Variants in COL19A1 observed in about 807,000 individuals in gnomAD.
COL19A1 encodes the protein collagen type XIX alpha 1 chain, also known as collagen alpha-1(XIX) chain.
A neutral mutation model predicts 190.2 loss-of-function variants in COL19A1; 159 were observed. That is an observed-to-expected ratio of 0.84 (90% CI 0.73 to 0.95). The LOEUF is 0.95. COL19A1 is among the 40% of genes least tolerant of loss of function. The pLI, the probability that COL19A1 is intolerant of heterozygous loss-of-function variation, is 0.00. For missense variants in COL19A1, 1,418 were observed against 1,431.9 expected (o/e 0.99, Z 0.16); for synonymous variants, 509 against 458.9 (o/e 1.11, Z -1.39).
chr6:70,176,111 G>A (rs543483485), intron 41 of COL19A1, among the ~76,000 whole-genome samples: 30 of 152,218 alleles, frequency 2.0e-4, no homozygotes, highest in African/African-American at 7.2e-4. Context: ...TATATCCAAT[G>A]AGACAAGGAT....
intron 14 of COL19A1, among the ~76,000 whole-genome samples, chr6:70,053,076 G>C (rs558286911): frequency 8.9e-4 from 136 of 152,286 alleles, no homozygotes; most frequent in Admixed American, 1.4e-3. Flanking sequence ...AGAATGTATT[G>C]AAATGATATT....
chr6:70,183,122 G>T (rs1342759490), intron 44 of COL19A1, among the ~76,000 whole-genome samples: 1 of 152,050 alleles, frequency 6.6e-6, no homozygotes, highest in Non-Finnish European at 1.5e-5. Flanking sequence ...TAGAAAGGGA[G>T]TCAAATTGGG....
intron 11 of COL19A1, among the ~76,000 whole-genome samples, chr6:69,987,665 A>G (rs1776386037): frequency 6.6e-6 from 1 of 152,212 alleles, no homozygotes; most frequent in South Asian, 2.1e-4. Flanking sequence ...ACTGGCTTCT[A>G]GGACTTGAAT....
intron 48 of COL19A1, among the ~76,000 whole-genome samples, chr6:70,195,855 G>A (rs1335323390): frequency 1.3e-5 from 2 of 152,132 alleles, no homozygotes; most frequent in Non-Finnish European, 2.9e-5. Flanking sequence ...TCAACCGTCT[G>A]GTTCTTAACT....
At chr6:69,896,538 C>T (rs1478319695) in intron 2 of COL19A1, among the ~76,000 whole-genome samples, 16 of 74,276 alleles carry the variant, frequency 2.2e-4, no homozygotes, top group African/African-American at 1.1e-3. Flanking sequence ...AGCGAGACTC[C>T]GTCTCAAAAA....
intron 11 of COL19A1, among the ~76,000 whole-genome samples, chr6:70,010,665 G>C (rs375408169): frequency 7.3e-6 from 1 of 137,712 alleles, no homozygotes; most frequent in Non-Finnish European, 1.5e-5. Context: ...CTTAAGAAAC[G>C]GCGCACCACG....
At chr6:70,133,558 T>C (rs1430871135) in intron 18 of COL19A1, among the ~76,000 whole-genome samples, 3 of 152,200 alleles carry the variant, frequency 2.0e-5, no homozygotes, top group Admixed American at 6.5e-5. Flanking sequence ...TGCTGCTTTA[T>C]AGAGACAGTA....
chr6:70,039,453 C>T (rs1415201169), intron 14 of COL19A1, among the ~76,000 whole-genome samples: 1 of 152,128 alleles, frequency 6.6e-6, no homozygotes, highest in African/African-American at 2.4e-5. Flanking sequence ...GATGAACGTC[C>T]ATCTCCACAT....
Position 70,121,923 on chromosome 6 carries a change from A to G in COL19A1, c.1322A>G (p.Tyr441Cys), listed in dbSNP as rs1168204722. 6.3e-6 allele frequency: 10 copies of G among 1,590,064 alleles called. No homozygotes were observed. The highest frequency in any genetic ancestry group is 5.4e-5 in the African/African-American group (4 of 73,876). Residue 441 changes from tyrosine to cysteine, a missense_variant, in exon 17 of 51, where the codon TAT becomes TGT. Physicochemically the swap from Tyr to Cys is radical, Grantham distance 194 (BLOSUM62 -2). Coordinates refer to ENST00000620364, the MANE Select transcript of COL19A1 (RefSeq NM_001858.6). ...IQGIHQTLGGYYNKDNKGNDE... is the reference protein window; with the variant it reads ...IQGIHQTLGGCYNKDNKGNDE... ...GGAATACACCAAACTCTTGGTGGAT[A>G]TTATAACAAGGATAACAAGGTATGG...
At chr6:70,189,118 A>G (rs985698895) in intron 47 of COL19A1, among the ~76,000 whole-genome samples, 2 of 152,212 alleles carry the variant, frequency 1.3e-5, no homozygotes, top group Non-Finnish European at 2.9e-5. Context: ...TCATCACTTT[A>G]TAAGCCCATC....
At chr6:70,047,030 C>T (rs1218781469) in intron 14 of COL19A1, among the ~76,000 whole-genome samples, 8 of 152,020 alleles carry the variant, frequency 5.3e-5, no homozygotes, top group Non-Finnish European at 7.4e-5. Flanking sequence ...TATTTGGGTT[C>T]TACCACATCT....
At position 70,003,888 on chromosome 6, in the gene COL19A1, T is replaced by C. The variant is rs12660685; in HGVS notation, c.1027-19739T>C. 1.7e-4 allele frequency among the ~76,000 whole-genome samples: 26 copies of C among 152,358 alleles called. 1 individual carries two copies. In the East Asian group the frequency reaches 4.8e-3, roughly 28 times the overall value. ...CCCTTTACATTTAACGTTAGTATTGTTATGTGTGAATTTGATTCTTTCATC... is the reference window on the plus strand; with the variant it reads ...CCCTTTACATTTAACGTTAGTATTGCTATGTGTGAATTTGATTCTTTCATC... On this transcript the variant is annotated intron_variant, in intron 11 of 50. Coordinates refer to ENST00000620364, the MANE Select transcript of COL19A1 (RefSeq NM_001858.6).
intron 14 of COL19A1, among the ~76,000 whole-genome samples, chr6:70,054,697 T>C (rs139045425): frequency 6.6e-6 from 1 of 152,306 alleles, no homozygotes; most frequent in Non-Finnish European, 1.5e-5. Flanking sequence ...AAAAATACCA[T>C]TTCAATAAAT....
At chr6:69,982,568 A>G (rs1167353084) in intron 11 of COL19A1, among the ~76,000 whole-genome samples, 1 of 151,968 alleles carries the variant, frequency 6.6e-6, no homozygotes, top group Non-Finnish European at 1.5e-5. Context: ...TATTGCCAAA[A>G]TATTATAGCT....
chr6:69,916,597 G>A (rs868102374), intron 4 of COL19A1, among the ~76,000 whole-genome samples: 3 of 152,166 alleles, frequency 2.0e-5, no homozygotes, highest in South Asian at 4.1e-4. Flanking sequence ...TACTAGCCAC[G>A]TAGGATGTGC....
In COL19A1 at chr6:70,212,307, C is replaced by G. The variant is rs561656397; in HGVS notation, c.*5033C>G. 6.6e-6 allele frequency among the ~76,000 whole-genome samples: 1 copy of G among 152,120 alleles called. No homozygotes were observed. Among genetic ancestry groups the G allele is most frequent in the African/African-American group, 2.4e-5 (1 of 41,404 alleles). ...CTATCTTACCTCATCAAACTCTTTACGATTTAATTGAATATACTCATGTTA... is the reference window on the plus strand; with the variant it reads ...CTATCTTACCTCATCAAACTCTTTAGGATTTAATTGAATATACTCATGTTA... On this transcript the variant is annotated 3_prime_UTR_variant, in exon 51 of 51. Coordinates refer to ENST00000620364, the MANE Select transcript of COL19A1 (RefSeq NM_001858.6).
chr6:69,871,820 T>C (rs1483668000), intron 1 of COL19A1, among the ~76,000 whole-genome samples: 1 of 149,106 alleles, frequency 6.7e-6, no homozygotes, highest in Non-Finnish European at 1.5e-5. Flanking sequence ...TTTTTTTTTT[T>C]TTTTTTTTTT....
chr6:70,006,586 A>G (rs1180685040), intron 11 of COL19A1, among the ~76,000 whole-genome samples: 1 of 152,194 alleles, frequency 6.6e-6, no homozygotes, highest in South Asian at 2.1e-4. Flanking sequence ...CTAGTCGGCC[A>G]TCTTGGCCCC....
At chr6:69,899,382 G>T (rs1032411573) in intron 3 of COL19A1, among the ~76,000 whole-genome samples, 1 of 151,808 alleles carries the variant, frequency 6.6e-6, no homozygotes, top group Non-Finnish European at 1.5e-5. Context: ...CGAGCTCCTG[G>T]CCTCAAGTGA....
Sources: gnomAD v4.1 joint callset for allele counts (sites outside exome capture counted in the v4.1 genomes callset) on GRCh38, gnomAD v4.1.1 for gene constraint, MANE v1.5 for transcripts, NCBI Gene and HGNC (gene_info 2026-07-23, HGNC 2026-07-21) for gene names.